The following PDE7B variants were observed in gnomAD, a reference collection of about 807,000 sequenced individuals.
The protein encoded by PDE7B is phosphodiesterase 7B.
A neutral mutation model predicts 56.2 loss-of-function variants in PDE7B; 29 were observed. The ratio of observed to expected loss-of-function variants is 0.52; its 90% CI spans 0.38 to 0.70. The LOEUF (loss-of-function observed/expected upper bound fraction) is 0.70. PDE7B is among the 30% of genes least tolerant of loss of function. The pLI is 0.00. For missense variants in PDE7B, 490 were observed against 565.0 expected (o/e 0.87, Z 1.35); for synonymous variants, 197 against 196.9 (o/e 1.00, Z 0.00).
chr6:135,936,540 G>A (rs748490811), intron 1 of PDE7B, among the ~76,000 whole-genome samples: 7 of 152,218 alleles, frequency 4.6e-5, no homozygotes, highest in Non-Finnish European at 7.4e-5. Flanking sequence ...GTCCAGGGGC[G>A]GCAGCAACAC....
At chr6:135,855,396 A>T (rs12333194) in intron 1 of PDE7B, among the ~76,000 whole-genome samples, 1,730 of 152,306 alleles carry the variant, frequency 0.011, 21 homozygotes, top group African/African-American at 0.039. Flanking sequence ...AAGAAATGAA[A>T]AAACAAAAGG....
intron 1 of PDE7B, among the ~76,000 whole-genome samples, chr6:135,859,059 GAAAAA>G (rs545178102): frequency 3.2e-5 from 4 of 124,812 alleles, no homozygotes; most frequent in Non-Finnish European, 7.0e-5. Context: ...TTCCAGGAGA[GAAAAA>G]AAAAAAAAAG....
chr6:135,990,068 G>C (rs916373324), intron 2 of PDE7B, among the ~76,000 whole-genome samples: 1 of 151,558 alleles, frequency 6.6e-6, no homozygotes, highest in Non-Finnish European at 1.5e-5. Context: ...TTGGGACTCA[G>C]CAATCTGTTT....
rs529116504 is a variant in PDE7B, at chr6:135,937,467, C to A, written c.22-9997C>A. Among the ~76,000 whole-genome samples, 3 of 152,308 alleles carry A rather than the reference C, an allele frequency of 2.0e-5. No homozygotes were observed. The East Asian group carries it at 5.8e-4, about 29-fold the overall frequency. On this transcript the variant is annotated intron_variant, in intron 1 of 12. Coordinates refer to ENST00000308191, the MANE Select transcript of PDE7B (RefSeq NM_018945.4). Reference sequence around the variant, plus strand: ...TTCATTTCCTTCATTTCCTCAATTGCCTTTAGAGTTTTGCATCAACAGTTT... The same window carrying A: ...TTCATTTCCTTCATTTCCTCAATTGACTTTAGAGTTTTGCATCAACAGTTT...
chr6:135,997,413 C>CAAAAAAAAAAAAAA (rs59388049), intron 2 of PDE7B, among the ~76,000 whole-genome samples: 1 of 10,714 alleles, frequency 9.3e-5, no homozygotes, highest in African/African-American at 2.0e-4. Context: ...GACCCTGTCT[C>CAAAAAAAAAAAAAA]AAAAAAAAAA....
Position 136,195,369 on chromosome 6 carries a change from A to G in PDE7B, c.*3529A>G, listed in dbSNP as rs1779297235. 6.7e-6 allele frequency: 1 copy of G among 149,320 alleles called. No homozygotes were observed. The highest frequency in any genetic ancestry group is 2.1e-4 in the South Asian group (1 of 4,760). 9.2% of individuals were successfully genotyped at this position (149,320 alleles called of 1,614,324 possible). On this transcript the variant is annotated 3_prime_UTR_variant, in exon 13 of 13. Coordinates refer to ENST00000308191, the MANE Select transcript of PDE7B (RefSeq NM_018945.4). ...GCTTACTTATTTAGGTTTGGTTATG[A>G]GCTTGTATCTCACTGTATTTCTCAT...
chr6:135,886,502 T>C (rs984640127), intron 1 of PDE7B, among the ~76,000 whole-genome samples: 1 of 146,018 alleles, frequency 6.8e-6, no homozygotes, highest in Non-Finnish European at 1.5e-5. Flanking sequence ...ACTCAATATA[T>C]AGTCTTTTAT....
chr6:136,061,895 C>G (rs1022963982), intron 2 of PDE7B, among the ~76,000 whole-genome samples: 24 of 152,206 alleles, frequency 1.6e-4, no homozygotes, highest in African/African-American at 5.5e-4. Context: ...TCAGTCCTCT[C>G]ATTTTTAAGT....
intron 2 of PDE7B, among the ~76,000 whole-genome samples, chr6:136,104,498 C>T (rs1347182231): frequency 2.6e-5 from 4 of 152,172 alleles, no homozygotes; most frequent in Non-Finnish European, 1.5e-5. Flanking sequence ...AGCCTCTGCT[C>T]CTCTGAGGAC....
At chr6:136,158,194 C>T (rs941896592) in intron 8 of PDE7B, among the ~76,000 whole-genome samples, 3 of 152,134 alleles carry the variant, frequency 2.0e-5, no homozygotes, top group Non-Finnish European at 4.4e-5. Context: ...TTTGCTGAGA[C>T]ACAAATGGGC....
intron 1 of PDE7B, among the ~76,000 whole-genome samples, chr6:135,938,536 C>G (rs915866298): frequency 2.0e-5 from 3 of 152,182 alleles, no homozygotes; most frequent in African/African-American, 4.8e-5. Flanking sequence ...GCACTGTACT[C>G]CATGCCATAA....
At chr6:135,870,010 TAG>T (rs977355896) in intron 1 of PDE7B, among the ~76,000 whole-genome samples, 2 of 152,068 alleles carry the variant, frequency 1.3e-5, no homozygotes, top group African/African-American at 4.8e-5. Flanking sequence ...TGAAACCATG[TAG>T]ACAGGGAGGA....
chr6:136,053,757 G>A lies in PDE7B; in HGVS notation c.83-54974G>A, dbSNP rs1229185767. On this transcript the variant is annotated intron_variant, in intron 2 of 12. Transcript: ENST00000308191. ...CTTTTTAATGATTGCCATTCTAACT[G>A]GTGTGAGATGGTATCTCATTGTGGT... 2.8e-4 allele frequency among the ~76,000 whole-genome samples: 42 copies of A among 152,164 alleles called. No individual in the cohort carries two copies. In the Middle Eastern group the frequency reaches 0.01, roughly 37 times the overall value.
chr6:136,106,459 A>G (rs985294795), intron 2 of PDE7B, among the ~76,000 whole-genome samples: 6 of 152,190 alleles, frequency 3.9e-5, no homozygotes, highest in African/African-American at 1.4e-4. Context: ...TATGAAGTCT[A>G]ACAGCCTAGA....
At chr6:135,884,070 A>ACT (rs1775659410) in intron 1 of PDE7B, among the ~76,000 whole-genome samples, 1 of 152,220 alleles carries the variant, frequency 6.6e-6, no homozygotes, top group Admixed American at 6.5e-5. Context: ...TAGTATGTAT[A>ACT]AATAAATTCC....
chr6:136,009,831 G>T (rs984210563), intron 2 of PDE7B, among the ~76,000 whole-genome samples: 1 of 151,844 alleles, frequency 6.6e-6, no homozygotes, highest in African/African-American at 2.4e-5. Flanking sequence ...GTGTTTATTT[G>T]TGTCATCTCT....
At chr6:136,054,335 T>C (rs570511811) in intron 2 of PDE7B, among the ~76,000 whole-genome samples, 3 of 152,340 alleles carry the variant, frequency 2.0e-5, no homozygotes, top group East Asian at 3.9e-4. Context: ...TTCTTGTTTT[T>C]GTCAGGTTTG....
chr6:135,993,284 G>A (rs533237498), intron 2 of PDE7B: 3 of 152,298 alleles, frequency 2.0e-5, no homozygotes, highest in East Asian at 3.9e-4. Context: ...TAGAGTTGAA[G>A]GTATCACCTA....
intron 2 of PDE7B, among the ~76,000 whole-genome samples, chr6:136,017,511 C>A (rs1775996120): frequency 7.3e-6 from 1 of 136,852 alleles, no homozygotes; most frequent in African/African-American, 2.6e-5. Flanking sequence ...CCACGACAGG[C>A]CCCGGTGTGT....
Sources: gnomAD v4.1 joint callset for allele counts (sites outside exome capture counted in the v4.1 genomes callset) on GRCh38, gnomAD v4.1.1 for gene constraint, MANE v1.5 for transcripts, NCBI Gene and HGNC (gene_info 2026-07-23, HGNC 2026-07-21) for gene names.